The following CEP170 variants were observed in gnomAD, a reference collection of about 807,000 sequenced individuals.
The protein encoded by CEP170 is centrosomal protein of 170 kDa.
A neutral mutation model predicts 151.9 loss-of-function variants in CEP170; 21 were observed. The observed-to-expected ratio is 0.14, with a 90% CI of 0.10 to 0.20. The LOEUF is 0.20. CEP170 is among the 10% of genes least tolerant of loss of function. The pLI is 1.00. For synonymous variants in CEP170, 356 were observed against 648.8 expected (o/e 0.55, Z 6.86); for missense variants, 964 against 1,892.9 (o/e 0.51, Z 9.11).
chr1:243,218,165 T>C (rs1018665156), intron 3 of CEP170, among the ~76,000 whole-genome samples: 1 of 152,000 alleles, frequency 6.6e-6, no homozygotes, highest in African/African-American at 2.4e-5. Flanking sequence ...TCTCCTTCCC[T>C]AACCTTTCCT....
At chr1:243,243,178 C>T (rs1002670285) in intron 1 of CEP170, among the ~76,000 whole-genome samples, 3 of 152,062 alleles carry the variant, frequency 2.0e-5, no homozygotes, top group African/African-American at 7.2e-5. Context: ...AGGCTATGAT[C>T]ATGCCACTGC....
At chr1:243,243,505 T>G (rs1335635005) in intron 1 of CEP170, among the ~76,000 whole-genome samples, 3 of 149,324 alleles carry the variant, frequency 2.0e-5, no homozygotes, top group South Asian at 2.1e-4. Flanking sequence ...CTGATTTATT[T>G]ATTTATTTAT....
At chr1:243,209,166 T>C (rs2061609140) in intron 4 of CEP170, among the ~76,000 whole-genome samples, 1 of 152,222 alleles carries the variant, frequency 6.6e-6, no homozygotes, top group African/African-American at 2.4e-5. Context: ...CTTCTATTGA[T>C]GTAGCATTTT....
chr1:243,129,264 G>A (rs2054087386), intron 18 of CEP170, 96 bp downstream of exon 18: 8 of 1,011,818 alleles, frequency 7.9e-6, no homozygotes, highest in Non-Finnish European at 1.1e-5. Flanking sequence ...ATCTTCTTTT[G>A]AAAAAGCAAA....
intron 4 of CEP170, among the ~76,000 whole-genome samples, chr1:243,207,209 A>C (rs1235083025): frequency 6.6e-6 from 1 of 152,236 alleles, no homozygotes; most frequent in East Asian, 1.9e-4. Flanking sequence ...TAAAAATTAA[A>C]AATATAAGTA....
intron 3 of CEP170, among the ~76,000 whole-genome samples, chr1:243,214,786 C>A (rs1364514783): frequency 1.3e-5 from 2 of 152,084 alleles, no homozygotes; most frequent in Non-Finnish European, 2.9e-5. Context: ...GTAGTATATA[C>A]CTTTAAACAC....
intron 17 of CEP170, among the ~76,000 whole-genome samples, chr1:243,131,565 T>C (rs2054416404): frequency 6.6e-6 from 1 of 152,016 alleles, no homozygotes; most frequent in African/African-American, 2.4e-5. Context: ...AAGTCAAACT[T>C]GTCATTTTGG....
At chr1:243,208,445 C>T (rs2789233) in intron 4 of CEP170, among the ~76,000 whole-genome samples, 4 of 152,212 alleles carry the variant, frequency 2.6e-5, no homozygotes, top group South Asian at 2.1e-4. Context: ...TAATGTCCTA[C>T]GAGAACTGAT....
At chr1:243,153,583 A>G (rs2057305819) in intron 14 of CEP170, among the ~76,000 whole-genome samples, 1 of 152,220 alleles carries the variant, frequency 6.6e-6, no homozygotes, top group South Asian at 2.1e-4. Flanking sequence ...TATGCCAACA[A>G]AAAGCTGATG....
chr1:243,225,057 G>A (rs1022949597), intron 2 of CEP170, 119 bp downstream of exon 2: 5 of 490,422 alleles, frequency 1.0e-5, no homozygotes, highest in Non-Finnish European at 1.4e-5. Context: ...ATGATAGCTG[G>A]AGCTAAAAGG....
chr1:243,237,666 C>T (rs1437416053), intron 1 of CEP170, among the ~76,000 whole-genome samples: 6 of 152,158 alleles, frequency 3.9e-5, no homozygotes, highest in Non-Finnish European at 8.8e-5. Flanking sequence ...CTTTGGGAGG[C>T]CGAGGAGGGT....
At chr1:243,234,703 C>T (rs2064102775) in intron 1 of CEP170, among the ~76,000 whole-genome samples, 1 of 152,146 alleles carries the variant, frequency 6.6e-6, no homozygotes, top group South Asian at 2.1e-4. Flanking sequence ...ATCCTCAACA[C>T]CAGAAGTCTG....
At chr1:243,214,188 ATTG>A (rs1476004695) in intron 3 of CEP170, among the ~76,000 whole-genome samples, 1 of 151,894 alleles carries the variant, frequency 6.6e-6, no homozygotes, top group East Asian at 1.9e-4. Context: ...TGAGCTTCTA[ATTG>A]TTGTTTATAA....
intron 14 of CEP170, among the ~76,000 whole-genome samples, 169 bp downstream of exon 14, chr1:243,156,051 GA>G (rs1483177468): frequency 2.0e-5 from 3 of 151,930 alleles, no homozygotes; most frequent in East Asian, 3.9e-4. Context: ...AGAAAAAAAA[GA>G]AAAAAAGCTG....
intron 3 of CEP170, among the ~76,000 whole-genome samples, chr1:243,213,834 T>G (rs938006761): frequency 3.9e-4 from 59 of 152,252 alleles, no homozygotes; most frequent in African/African-American, 1.4e-3. Context: ...CACCTCAGCC[T>G]CCTCAGTAGC....
chr1:243,136,755 C>T (rs907068782), intron 16 of CEP170, among the ~76,000 whole-genome samples: 2 of 152,032 alleles, frequency 1.3e-5, no homozygotes, highest in African/African-American at 4.8e-5. Flanking sequence ...AGTTGAGATG[C>T]GTGGGCAAAA....
At chr1:243,196,718 G>A (rs1343361861) in intron 7 of CEP170, among the ~76,000 whole-genome samples, 1 of 152,010 alleles carries the variant, frequency 6.6e-6, no homozygotes, top group Non-Finnish European at 1.5e-5. Context: ...AGTACTAGGT[G>A]GCTCTAGGGC....
chr1:243,138,839 T>A (rs1007577526), intron 16 of CEP170, among the ~76,000 whole-genome samples: 5 of 152,182 alleles, frequency 3.3e-5, no homozygotes, highest in Admixed American at 1.3e-4. Flanking sequence ...GCAAGAAAAT[T>A]GCTAGATCAT....
At chr1:243,169,871 C>A in intron 11 of CEP170, 117 bp from the exon 12 acceptor site, 1 of 1,225,776 alleles carries the variant, frequency 8.2e-7, no homozygotes, top group African/African-American at 1.5e-5. Context: ...TAAACCTCAC[C>A]TTGCTATATT....
Sources: allele counts gnomAD v4.1 joint callset (sites outside exome capture counted in the v4.1 genomes callset), GRCh38; gene constraint gnomAD v4.1.1; transcripts MANE v1.5; gene names NCBI Gene and HGNC (gene_info 2026-07-23, HGNC 2026-07-21).